The following R3HCC1L variants were observed in gnomAD, a reference collection of about 807,000 sequenced individuals.
R3HCC1L encodes the protein coiled-coil domain-containing protein R3HCC1L.
A neutral mutation model predicts 59.9 loss-of-function variants in R3HCC1L; 51 were observed. The observed-to-expected ratio is 0.85, with a 90% CI of 0.68 to 1.07. The LOEUF (loss-of-function observed/expected upper bound fraction) is 1.07. Ranked by LOEUF, R3HCC1L falls within the 50% of genes least tolerant of loss-of-function variation. The probability of loss-of-function intolerance (pLI) is 0.00; values close to 1 mark genes in which losing one functional copy is unlikely to be tolerated. For missense variants in R3HCC1L, 965 were observed against 933.0 expected, an observed-to-expected ratio of 1.03 and a Z score of -0.45; for synonymous variants, 322 against 315.2, an observed-to-expected ratio of 1.02 and a Z score of -0.23.
At position 98,231,677 on chromosome 10, in the gene R3HCC1L, T is replaced by C. The variant is rs1856413583; in HGVS notation, c.1951T>C (p.Cys651Arg). 1.2e-6 allele frequency: 2 copies of C among 1,608,160 alleles called. No homozygotes were observed. Among genetic ancestry groups the C allele is most frequent in the African/African-American group, 2.7e-5 (2 of 74,674 alleles). Residue 651 changes from cysteine (C) to arginine (R), a missense_variant, in exon 6 of 10, where the codon TGC becomes CGC. Physicochemically the swap from Cys to Arg is radical, Grantham distance 180. Coordinates refer to ENST00000298999, the MANE Select transcript of R3HCC1L (RefSeq NM_001351015.2). ...FHTEDLLRVF[C>R]SYQKKGFDIK... ...TACTGAAGACCTTCTACGGGTTTTC[T>C]GCAGTTATCAGTGAGTATGCAAATG...
At chr10:98,200,056 A>G (rs916248921) in intron 4 of R3HCC1L, among the ~76,000 whole-genome samples, 7 of 151,952 alleles carry the variant, frequency 4.6e-5, no homozygotes, top group Non-Finnish European at 8.8e-5. Flanking sequence ...TTATTCTATC[A>G]TCGTCCTTCT....
intron 5 of R3HCC1L, among the ~76,000 whole-genome samples, chr10:98,216,921 A>T (rs1332074890): frequency 6.6e-6 from 1 of 152,170 alleles, no homozygotes; most frequent in African/African-American, 2.4e-5. Flanking sequence ...CAAAATAATT[A>T]ACTTGAAGCA....
At chr10:98,217,397 A>G (rs1228381299) in intron 5 of R3HCC1L, among the ~76,000 whole-genome samples, 2 of 152,156 alleles carry the variant, frequency 1.3e-5, no homozygotes, top group African/African-American at 4.8e-5. Context: ...TACCAATACC[A>G]TGCTGTTTTG....
chr10:98,164,460 A>G (rs542787846), intron 4 of R3HCC1L, among the ~76,000 whole-genome samples: 2 of 152,230 alleles, frequency 1.3e-5, no homozygotes, highest in African/African-American at 2.4e-5. Flanking sequence ...GAGTAGAAGC[A>G]TAGGATTTCA....
intron 5 of R3HCC1L, among the ~76,000 whole-genome samples, chr10:98,222,430 G>C (rs1855112024): frequency 6.6e-6 from 1 of 151,958 alleles, no homozygotes; most frequent in Admixed American, 6.6e-5. Context: ...AATAGGAGTG[G>C]TGAGAGACGG....
chr10:98,208,456 A>T lies in R3HCC1L; in HGVS notation c.342A>T (p.Lys114Asn), dbSNP rs1853012169. The T allele has an allele frequency of 6.2e-7, 1 of 1,614,082 alleles. No homozygotes were observed. Among genetic ancestry groups the T allele is most frequent in the African/African-American group, 1.3e-5 (1 of 74,948 alleles). ...CTAAGAGAGGAACCACTGAATCCAAAGAAGTATTATCCCAAGGACAACAGC... is the reference window on the plus strand; with the variant it reads ...CTAAGAGAGGAACCACTGAATCCAATGAAGTATTATCCCAAGGACAACAGC... ...VCSKRGTTES[K>N]EVLSQGQQQG... is the part of the protein sequence containing the mutation. The change falls in exon 5 of 10, where the codon AAA becomes AAT. Residue 114 changes from lysine (K) to asparagine (N), a missense_variant. Transcript: ENST00000298999.
At position 98,208,986 on chromosome 10, in the gene R3HCC1L, G is replaced by A. The variant is rs147674187; in HGVS notation, c.872G>A (p.Gly291Asp). 96 of 1,613,968 alleles carry A rather than the reference G, an allele frequency of 5.9e-5. No homozygotes were observed. The highest frequency in any genetic ancestry group is 7.0e-5 in the Non-Finnish European group (83 of 1,179,902). ...CVDFEVESVG[G>D]IANSTGFILD... ...GATTTTGAAGTTGAGAGTGTAGGTGGTATAGCCAATAGTACAGGTTTCATC... is the reference window on the plus strand; with the variant it reads ...GATTTTGAAGTTGAGAGTGTAGGTGATATAGCCAATAGTACAGGTTTCATC... Residue 291 changes from glycine to aspartate, a missense_variant, in exon 5 of 10, where the codon GGT (glycine) becomes GAT (aspartate). Transcript: ENST00000298999.
At chr10:98,212,719 C>G (rs904582412) in intron 5 of R3HCC1L, among the ~76,000 whole-genome samples, 2 of 152,172 alleles carry the variant, frequency 1.3e-5, no homozygotes, top group Non-Finnish European at 2.9e-5. Context: ...CTACTGCCAT[C>G]TGTACTGATC....
At chr10:98,212,854 ATATT>A (rs1033465776) in intron 5 of R3HCC1L, among the ~76,000 whole-genome samples, 2 of 152,126 alleles carry the variant, frequency 1.3e-5, no homozygotes, top group African/African-American at 4.8e-5. Context: ...ATAGGGGTAA[ATATT>A]TAAGTAGTAT....
At chr10:98,220,164 G>A (rs1030265667) in intron 5 of R3HCC1L, among the ~76,000 whole-genome samples, 10 of 151,776 alleles carry the variant, frequency 6.6e-5, no homozygotes, top group Admixed American at 6.6e-4. Flanking sequence ...GCCCTCAATT[G>A]TATTTTTTGT....
chr10:98,181,657 C>G (rs1256163755), intron 4 of R3HCC1L, among the ~76,000 whole-genome samples: 1 of 152,184 alleles, frequency 6.6e-6, no homozygotes, highest in African/African-American at 2.4e-5. Context: ...GTATACCACT[C>G]AAACGTAGAT....
chr10:98,232,725 G>A lies in R3HCC1L; in HGVS notation c.1961+1038G>A, dbSNP rs531160586. On this transcript the variant is annotated intron_variant, in intron 6 of 9. Transcript: ENST00000298999. ...AAGATTCTATATAAGTCAGGGTATAGCCCTTAACTTTTTCTTAAAGGATAA... is the reference window on the plus strand; with the variant it reads ...AAGATTCTATATAAGTCAGGGTATAACCCTTAACTTTTTCTTAAAGGATAA... Among the ~76,000 whole-genome samples, 3 of 152,276 alleles carry A rather than the reference G, an allele frequency of 2.0e-5. No individual in the cohort carries two copies. The South Asian group carries it at 6.2e-4, about 32-fold the overall frequency.
intron 4 of R3HCC1L, among the ~76,000 whole-genome samples, chr10:98,177,765 A>G (rs1355299860): frequency 6.6e-6 from 1 of 151,984 alleles, no homozygotes; most frequent in African/African-American, 2.4e-5. Context: ...TTTGATTTGC[A>G]TTTTTCTGAT....
chr10:98,209,473 T>G lies in R3HCC1L; in HGVS notation c.1359T>G (p.Ser453=), dbSNP rs1853269790. The change falls in exon 5 of 10, where the codon TCT becomes TCG. Residue 453 remains serine (S), a synonymous_variant. Transcript: ENST00000298999. ...CSDIYGESIS[S]HFTESTGKLI... is the part of the protein sequence containing the mutation. ...ATATTTATGGTGAGAGTATTTCATC[T>G]CATTTTACAGAGTCAACAGGAAAGT... is the stretch of plus-strand genomic sequence containing the variant. 1 of 1,613,704 alleles carries G rather than the reference T, an allele frequency of 6.2e-7. No individual in the cohort carries two copies. The highest frequency in any genetic ancestry group is 8.5e-7 in the Non-Finnish European group (1 of 1,179,972).
intron 4 of R3HCC1L, 125 bp downstream of exon 4, chr10:98,163,522 G>T (rs1847644960): frequency 3.7e-6 from 2 of 536,226 alleles, no homozygotes; most frequent in East Asian, 3.2e-5. Context: ...AAACAAGTTT[G>T]AAAATGGCAG....
intron 5 of R3HCC1L, among the ~76,000 whole-genome samples, chr10:98,217,163 T>G (rs1336719927): frequency 6.6e-6 from 1 of 152,200 alleles, no homozygotes; most frequent in Non-Finnish European, 1.5e-5. Context: ...GGTCTTACGT[T>G]TAAGTCATTA....
At chr10:98,140,281 T>G (rs1267998332) in intron 1 of R3HCC1L, among the ~76,000 whole-genome samples, 1 of 152,182 alleles carries the variant, frequency 6.6e-6, no homozygotes, top group African/African-American at 2.4e-5. Flanking sequence ...AAAATAGGGT[T>G]AATAAAACCA....
At chr10:98,163,914 A>G (rs1172792845) in intron 4 of R3HCC1L, among the ~76,000 whole-genome samples, 20 of 152,244 alleles carry the variant, frequency 1.3e-4, no homozygotes, top group Non-Finnish European at 1.6e-4. Context: ...ATATTACCCT[A>G]TAAGTATTTG....
At chr10:98,210,694 A>G (rs1853465857) in intron 5 of R3HCC1L, among the ~76,000 whole-genome samples, 1 of 152,188 alleles carries the variant, frequency 6.6e-6, no homozygotes, top group African/African-American at 2.4e-5. Flanking sequence ...TAAATGAGGA[A>G]GTTGAAGCTC....
Sources: gnomAD v4.1 joint callset for allele counts (sites outside exome capture counted in the v4.1 genomes callset) on GRCh38, gnomAD v4.1.1 for gene constraint, MANE v1.5 for transcripts, NCBI Gene and HGNC (gene_info 2026-07-23, HGNC 2026-07-21) for gene names.